The following CEMIP variants were observed in gnomAD, a reference collection of about 807,000 sequenced individuals.
The protein encoded by CEMIP is cell migration inducing hyaluronidase 1.
In CEMIP, 105 loss-of-function variants were observed where a neutral mutation model predicts 156.9. That is an observed-to-expected ratio of 0.67 (90% CI 0.57 to 0.79). The LOEUF (loss-of-function observed/expected upper bound fraction) is 0.79, where lower values mean the gene tolerates loss of function less well. Ranked by LOEUF, CEMIP falls within the 30% of genes least tolerant of loss-of-function variation. The probability of loss-of-function intolerance (pLI) is 0.00; values close to 1 mark genes in which losing one functional copy is unlikely to be tolerated. For missense variants in CEMIP, 1,457 were observed against 1,769.4 expected (o/e 0.82, Z 3.17); for synonymous variants, 676 against 668.4 (o/e 1.01, Z -0.17).
At chr15:80,831,863 G>A (rs561512737) in intron 1 of CEMIP, among the ~76,000 whole-genome samples, 15 of 152,332 alleles carry the variant, frequency 9.8e-5, no homozygotes, top group African/African-American at 2.9e-4. Context: ...ATTCAAGGGC[G>A]TTAGTGCCAA....
chr15:80,900,599 T>G (rs1899450243), intron 12 of CEMIP, among the ~76,000 whole-genome samples: 2 of 125,884 alleles, frequency 1.6e-5, no homozygotes, highest in African/African-American at 6.3e-5. Context: ...TGTGTGTGTG[T>G]GTGTGTGTGT....
At chr15:80,812,586 G>A (rs1383834450) in intron 1 of CEMIP, among the ~76,000 whole-genome samples, 1 of 152,192 alleles carries the variant, frequency 6.6e-6, no homozygotes, top group Non-Finnish European at 1.5e-5. Context: ...AATGGGAGCT[G>A]CTTTTGTGGT....
rs948811141 is a variant in CEMIP at position 80,933,395 on chromosome 15, C to T, written c.2944C>T (p.Arg982Trp). Residue 982 changes from arginine (R) to tryptophan (W), a missense_variant, in exon 23 of 30, where the codon CGG (arginine) becomes TGG (tryptophan). Transcript: ENST00000394685. ...YLTKNDNWLV[R>W]HPDCINVPDW... ...CACGAAGAATGACAACTGGCTGGTC[C>T]GGCACCCAGACTGCATCAATGTTCC... The T allele has an allele frequency of 1.9e-6, 3 of 1,614,136 alleles. No homozygotes were observed. The highest frequency in any genetic ancestry group is 2.2e-5 in the East Asian group (1 of 44,868).
chr15:80,925,704 A>G lies in CEMIP; in HGVS notation c.2369A>G (p.Gln790Arg), dbSNP rs772984146. ...AGACACTTCATTGCCTACAAGAACC[A>G]GGACCACGGGGCCTGGCTGCGCGGC... ...IIRHFIAYKNQDHGAWLRGGD... is the reference protein window; with the variant it reads ...IIRHFIAYKNRDHGAWLRGGD... Residue 790 changes from glutamine (Q) to arginine (R), a missense_variant, in exon 19 of 30, where the codon CAG becomes CGG. Around this residue, in one of 5 missense-constraint regions of CEMIP, gnomAD observed 798 missense variants for 980.1 expected, o/e 0.81. Transcript: ENST00000394685. 6.2e-6 allele frequency: 10 copies of G among 1,613,696 alleles called. No individual in the cohort carries two copies. Among genetic ancestry groups the G allele is most frequent in the African/African-American group, 1.3e-5 (1 of 74,922 alleles).
rs527922497 is a variant in CEMIP, at chr15:80,852,640, G to A, written c.-175-20898G>A. Among the ~76,000 whole-genome samples the A allele has an allele frequency of 5.9e-5, 9 of 152,196 alleles. No homozygotes were observed. In the South Asian group the frequency reaches 6.2e-4, roughly 11 times the overall value. ...TATATATCATTTCTTCCCATTCAAA[G>A]AAGGGTTTATGCCTCTGCTTTCATG... On this transcript the variant is annotated intron_variant, in intron 1 of 29. Transcript: ENST00000394685.
At chr15:80,850,432 A>G (rs975163783) in intron 1 of CEMIP, among the ~76,000 whole-genome samples, 3 of 152,142 alleles carry the variant, frequency 2.0e-5, no homozygotes, top group African/African-American at 4.8e-5. Context: ...ATGTGCCACC[A>G]TGCCTAGCTA....
intron 1 of CEMIP, among the ~76,000 whole-genome samples, chr15:80,868,923 G>A (rs1055432843): frequency 2.6e-5 from 4 of 152,168 alleles, no homozygotes; most frequent in African/African-American, 9.7e-5. Context: ...ATTTACTCGA[G>A]GATGCTGTGT....
intron 14 of CEMIP, among the ~76,000 whole-genome samples, chr15:80,914,842 G>A (rs1460183228): frequency 1.1e-4 from 7 of 63,242 alleles, no homozygotes; most frequent in South Asian, 6.7e-4. Context: ...ATGGGAGACC[G>A]GAGTTTTTTT....
chr15:80,782,995 G>A (rs1249962694), intron 1 of CEMIP, among the ~76,000 whole-genome samples: 2 of 152,216 alleles, frequency 1.3e-5, no homozygotes, highest in Non-Finnish European at 2.9e-5. Context: ...GTAGAAACGA[G>A]CTCTTCATCA....
At chr15:80,781,838 T>C (rs1324798250) in intron 1 of CEMIP, among the ~76,000 whole-genome samples, 1 of 152,160 alleles carries the variant, frequency 6.6e-6, no homozygotes, top group Non-Finnish European at 1.5e-5. Flanking sequence ...AGAGAAATCG[T>C]TTTAAATGGT....
intron 1 of CEMIP, among the ~76,000 whole-genome samples, chr15:80,833,818 A>G (rs527809396): frequency 6.6e-6 from 1 of 151,890 alleles, no homozygotes; most frequent in Admixed American, 6.6e-5. Context: ...ACAGGCTTGC[A>G]TCACCACACC....
intron 13 of CEMIP, among the ~76,000 whole-genome samples, chr15:80,907,912 C>T (rs989142592): frequency 6.6e-6 from 1 of 152,160 alleles, no homozygotes; most frequent in Non-Finnish European, 1.5e-5. Context: ...AAGGATAAGA[C>T]TTTTTGGTAG....
chr15:80,895,255 A>C (rs1370008888), intron 11 of CEMIP, 133 bp downstream of exon 11: 14 of 1,211,044 alleles, frequency 1.2e-5, no homozygotes, highest in Non-Finnish European at 1.7e-5. Context: ...ACACGGGAGC[A>C]GTGGGAGGAT....
At chr15:80,915,420 T>G (rs1263784108) in intron 14 of CEMIP, among the ~76,000 whole-genome samples, 1 of 152,228 alleles carries the variant, frequency 6.6e-6, no homozygotes, top group Admixed American at 6.5e-5. Flanking sequence ...TTCACTGTCA[T>G]AATTTTCTAA....
At position 80,943,675 on chromosome 15, in the gene CEMIP, A is replaced by G. The variant is rs555790728; in HGVS notation, c.3857+573A>G. ...CTCCTCTTTCTTTCCTCCACATGCT[A>G]TCATCACACCCTATCAATTCTGCCT... is the stretch of plus-strand genomic sequence containing the variant. On this transcript the variant is annotated intron_variant, in intron 28 of 29. Coordinates refer to ENST00000394685, the MANE Select transcript of CEMIP (RefSeq NM_001293298.2). Among the ~76,000 whole-genome samples the G allele has an allele frequency of 1.1e-4, 17 of 152,152 alleles. No individual in the cohort carries two copies. In the East Asian group the frequency reaches 3.1e-3, roughly 28 times the overall value.
rs748276484 is a variant in CEMIP, at chr15:80,932,811, C to T, written c.2794-434C>T. 2.0e-5 allele frequency among the ~76,000 whole-genome samples: 3 copies of T among 152,304 alleles called. No individual in the cohort carries two copies. Among genetic ancestry groups the T allele is most frequent in the South Asian group, 2.1e-4 (1 of 4,824 alleles). ...GAAACGTGCCACATGCATCTTCTCT[C>T]GCACACGGATGCCCCCGTGTATGTG... is the stretch of plus-strand genomic sequence containing the variant. On this transcript the variant is annotated intron_variant, in intron 22 of 29. Coordinates refer to ENST00000394685, the MANE Select transcript of CEMIP (RefSeq NM_001293298.2). This position sits in a 1 kb window ranked among gnomAD's most constrained non-coding sequence, Gnocchi z 4.5.
intron 1 of CEMIP, among the ~76,000 whole-genome samples, chr15:80,819,391 T>G (rs74030615): frequency 0.025 from 3,761 of 152,294 alleles, 147 homozygotes; most frequent in African/African-American, 0.081. Context: ...TAGGGATGGT[T>G]CCAGATGTCT....
intron 1 of CEMIP, among the ~76,000 whole-genome samples, chr15:80,794,713 G>T (rs978237984): frequency 1.3e-5 from 2 of 152,166 alleles, no homozygotes; most frequent in African/African-American, 4.8e-5. Context: ...GACCTGCCAT[G>T]TTTCCCGTGC....
intron 29 of CEMIP, chr15:80,948,090 CTTTTAAA>C (rs1901640324): frequency 2.6e-5 from 4 of 153,262 alleles, no homozygotes; most frequent in Non-Finnish European, 4.4e-5. Flanking sequence ...GAGCCTCTGT[CTTTTAAA>C]TTAAGATCCC....
Sources: allele counts gnomAD v4.1 joint callset (sites outside exome capture counted in the v4.1 genomes callset), GRCh38; gene constraint gnomAD v4.1.1; regional missense constraint gnomAD v4.1.1; non-coding constraint Gnocchi (gnomAD v3.1); transcripts MANE v1.5; gene names NCBI Gene and HGNC (gene_info 2026-07-23, HGNC 2026-07-21).